The following YRDC variants were observed in gnomAD, a reference collection of about 807,000 sequenced individuals.
The protein encoded by YRDC is threonylcarbamoyl-AMP synthase.
Under a neutral mutation model 21.5 loss-of-function variants are expected in YRDC, and 17 were observed. That is an observed-to-expected ratio of 0.79 (90% CI 0.54 to 1.19). The LOEUF (loss-of-function observed/expected upper bound fraction) is 1.19, where lower values mean the gene tolerates loss of function less well. Ranked by LOEUF, YRDC falls within the 50% of genes most tolerant of loss-of-function variation. The probability of loss-of-function intolerance (pLI) is 0.00; values close to 1 mark genes in which losing one functional copy is unlikely to be tolerated. For synonymous variants in YRDC, 193 were observed against 176.7 expected, an observed-to-expected ratio of 1.09 and a Z score of -0.73; for missense variants, 380 against 397.1, an observed-to-expected ratio of 0.96 and a Z score of 0.37.
intron 3 of YRDC, among the ~76,000 whole-genome samples, chr1:37,805,832 T>C (rs1408620198): frequency 3.3e-5 from 5 of 152,184 alleles, no homozygotes; most frequent in African/African-American, 1.2e-4. Flanking sequence ...CGTATCTCTA[T>C]GTGACTGCAC....
intron 3 of YRDC, among the ~76,000 whole-genome samples, chr1:37,805,414 T>G (rs1310255343): frequency 6.6e-6 from 1 of 152,150 alleles, no homozygotes; most frequent in African/African-American, 2.4e-5. Context: ...CATGGTAGAT[T>G]CTGCATGCCA....
Position 37,803,307 on chromosome 1 carries a change from T to G in YRDC, c.*618A>C, listed in dbSNP as rs1646714575. On this transcript the variant is annotated 3_prime_UTR_variant, in exon 5 of 5. Transcript: ENST00000373044. ...ATGGCTCAGAGGGAAGAGTGGCCTG[T>G]GGCTCTTCAATCTTTATCCAAACCT... 1 of 152,670 alleles carries G rather than the reference T, an allele frequency of 6.6e-6. No individual in the cohort carries two copies. The highest frequency in any genetic ancestry group is 2.1e-4 in the South Asian group (1 of 4,854). The allele number at this position is 152,670 out of a possible 1,614,324, so 9.5% of individuals were successfully genotyped here. A position where few individuals can be genotyped will look rare whatever the true frequency, so the allele number is the denominator to read the frequency against.
rs942737484 is a variant in YRDC at position 37,803,053 on chromosome 1, C to G, written c.*872G>C. The stretch of plus-strand genomic sequence containing the variant: ...GGTACACATATAAATAGACAAAAGG[C>G]TGCGGAGAACACTGGATTTAAATAA... On this transcript the variant is annotated 3_prime_UTR_variant, in exon 5 of 5. Transcript: ENST00000373044. 6.6e-6 allele frequency: 1 copy of G among 152,110 alleles called. No homozygotes were observed. The highest frequency in any genetic ancestry group is 1.5e-5 in the Non-Finnish European group (1 of 68,022). The allele number at this position is 152,110 out of a possible 1,614,324, so 9.4% of individuals were successfully genotyped here.
intron 3 of YRDC, 130 bp downstream of exon 3, chr1:37,806,727 G>T: frequency 7.0e-7 from 1 of 1,425,484 alleles, no homozygotes; most frequent in Non-Finnish European, 9.5e-7. Flanking sequence ...CTGCCAGCTG[G>T]GCAACCTTCC....
chr1:37,806,937 C>T lies in YRDC; in HGVS notation c.544G>A (p.Asp182Asn). 2 of 1,614,174 alleles carry T rather than the reference C, an allele frequency of 1.2e-6. No homozygotes were observed. Among genetic ancestry groups the T allele is most frequent in the Non-Finnish European group, 1.7e-6 (2 of 1,180,036 alleles). ...GGACCCTCAAACATCTGAGCCAAGT[C>T]TTGCATAAAAGCATGATCAGGAATC... ...IRIPDHAFMQ[D>N]LAQMFEGPLA... Residue 182 changes from aspartate to asparagine, a missense_variant, in exon 3 of 5, where the codon GAC (aspartate) becomes AAC (asparagine). By Grantham distance (23) the Asp-to-Asn change is conservative. Around this residue, in one of 3 missense-constraint regions of YRDC, gnomAD observed 238 missense variants for 236.5 expected, o/e 1.01. Transcript: ENST00000373044.
chr1:37,807,824 G>T lies in YRDC; in HGVS notation c.357C>A (p.Ala119=), dbSNP rs143181596. Residue 119 remains alanine (A), a synonymous_variant, in exon 1 of 5, where the codon GCC becomes GCA. Coordinates refer to ENST00000373044, the MANE Select transcript of YRDC (RefSeq NM_024640.4). ...LKGRSEAKPL[A]VCLGRVADVY... is the part of the protein sequence containing the mutation. Reference sequence around the variant, plus strand: ...CGTCGGCCACGCGGCCGAGGCATACGGCCAGAGGCTTGGCCTCGCTGCGAC... The same window carrying T: ...CGTCGGCCACGCGGCCGAGGCATACTGCCAGAGGCTTGGCCTCGCTGCGAC... 18 of 1,511,258 alleles carry T rather than the reference G, an allele frequency of 1.2e-5. No homozygotes were observed. Among genetic ancestry groups the T allele is most frequent in the Non-Finnish European group, 1.4e-5 (16 of 1,134,832 alleles). 93.6% of individuals were successfully genotyped at this position (1,511,258 alleles called of 1,614,324 possible).
rs765944614 is a variant in YRDC, at chr1:37,807,761, C to T, written c.389+31G>A. On this transcript the variant is annotated intron_variant, in intron 1 of 4. Transcript: ENST00000373044. ...CCGGAAACCCCTCCCGCGGTGCCGCCCCTAGCGGGGCCGGGTCGGGGCGGC... is the reference window on the plus strand; with the variant it reads ...CCGGAAACCCCTCCCGCGGTGCCGCTCCTAGCGGGGCCGGGTCGGGGCGGC... 7.5e-6 allele frequency: 11 copies of T among 1,472,470 alleles called. No homozygotes were observed. The East Asian group carries it at 1.3e-4, about 18-fold the overall frequency. 91.2% of individuals were successfully genotyped at this position (1,472,470 alleles called of 1,614,324 possible). A position where few individuals can be genotyped will look rare whatever the true frequency, so the allele number is the denominator to read the frequency against.
Position 37,804,331 on chromosome 1 carries a change from G to A in YRDC, c.738C>T (p.Pro246=), listed in dbSNP as rs370843680. The part of the protein sequence containing the change: ...LGSTVVDLSV[P]GKFGIIRPGC... The stretch of plus-strand genomic sequence containing the variant: ...CTGGACGAATGATGCCAAACTTTCC[G>A]GGCACAGACAAATCAACCACAGTTG... Residue 246 remains proline (P), a synonymous_variant, in exon 4 of 5, where the codon CCC becomes CCT. Coordinates refer to ENST00000373044, the MANE Select transcript of YRDC (RefSeq NM_024640.4). 1.1e-4 allele frequency: 171 copies of A among 1,613,870 alleles called. No individual in the cohort carries two copies. The highest frequency in any genetic ancestry group is 1.3e-4 in the Non-Finnish European group (158 of 1,179,932).
chr1:37,807,631 C>A (rs1411159130), intron 1 of YRDC, 161 bp downstream of exon 1: 2 of 1,291,850 alleles, frequency 1.5e-6, no homozygotes, highest in South Asian at 1.8e-5. Context: ...TAGTTCAGGG[C>A]CCGGGGCACG....
At chr1:37,804,554 C>A in intron 3 of YRDC, 110 bp from the exon 4 acceptor site, 3 of 1,336,802 alleles carry the variant, frequency 2.2e-6, no homozygotes, top group Non-Finnish European at 2.0e-6. Context: ...AAGGCACTTT[C>A]CTCTAAGCAG....
At chr1:37,807,031 A>C in intron 2 of YRDC, 55 bp from the exon 3 acceptor site, 1 of 1,613,780 alleles carries the variant, frequency 6.2e-7, no homozygotes, top group South Asian at 1.1e-5. Context: ...TAAGAGGGTA[A>C]GTCTTATCTG....
Position 37,803,683 on chromosome 1 carries a change from C to A in YRDC, c.*242G>T, listed in dbSNP as rs969123074. 1.5e-5 allele frequency: 7 copies of A among 481,408 alleles called. No homozygotes were observed. The Admixed American group carries it at 1.8e-4, about 13-fold the overall frequency. 29.8% of individuals were successfully genotyped at this position (481,408 alleles called of 1,614,324 possible). A position where few individuals can be genotyped will look rare whatever the true frequency, so the allele number is the denominator to read the frequency against. On this transcript the variant is annotated 3_prime_UTR_variant, in exon 5 of 5. Transcript: ENST00000373044. ...TAAGGCCACCTAGGAATGTTCTTAA[C>A]TTTTCCATTCAGCTTTTGGCTGATA...
At chr1:37,807,301 A>G (rs1352912932) in intron 1 of YRDC, 86 bp from the exon 2 acceptor site, 12 of 1,290,356 alleles carry the variant, frequency 9.3e-6, no homozygotes, top group Non-Finnish European at 1.1e-5. Flanking sequence ...GTAGAAAAGG[A>G]ATCCTTCGAG....
chr1:37,807,794 G>A lies in YRDC; in HGVS notation c.387C>T (p.Tyr129=), dbSNP rs752646134. 2.0e-6 allele frequency: 3 copies of A among 1,509,392 alleles called. No homozygotes were observed. The highest frequency in any genetic ancestry group is 2.4e-5 in the South Asian group (2 of 82,920). The allele number at this position is 1,509,392 out of a possible 1,614,324, so 93.5% of individuals were successfully genotyped here. A position where few individuals can be genotyped will look rare whatever the true frequency, so the allele number is the denominator to read the frequency against. Residue 129 remains tyrosine, a splice_region_variant and synonymous_variant, in exon 1 of 5, where the codon TAC becomes TAT. Transcript: ENST00000373044. Reference sequence around the variant, plus strand: ...GGGCCGGGTCGGGGCGGCCTTACCTGTAGACGTCGGCCACGCGGCCGAGGC... The same window carrying A: ...GGGCCGGGTCGGGGCGGCCTTACCTATAGACGTCGGCCACGCGGCCGAGGC... ...AVCLGRVADV[Y]RYCRVRVPEG...
chr1:37,806,774 C>T, intron 3 of YRDC, 83 bp downstream of exon 3: 3 of 1,594,548 alleles, frequency 1.9e-6, no homozygotes, highest in Admixed American at 1.7e-5. Context: ...CTGGCCATCC[C>T]AGTGTACTAT....
At position 37,807,086 on chromosome 1, in the gene YRDC, G is replaced by A. The variant is rs781476649; in HGVS notation, c.504+15C>T. ...TGGCCTGGAGTCTGGGGACACAAGA[G>A]AAAACTTGACTCACAGGCGTAAAAG... is the stretch of plus-strand genomic sequence containing the variant. On this transcript the variant is annotated intron_variant, in intron 2 of 4. Coordinates refer to ENST00000373044, the MANE Select transcript of YRDC (RefSeq NM_024640.4). 15 of 1,614,038 alleles carry A rather than the reference G, an allele frequency of 9.3e-6. No individual in the cohort carries two copies. Among genetic ancestry groups the A allele is most frequent in the Non-Finnish European group, 1.2e-5 (14 of 1,180,016 alleles).
chr1:37,804,498 T>C lies in YRDC; in HGVS notation c.625-54A>G, dbSNP rs997138086. 8 of 1,565,726 alleles carry C rather than the reference T, an allele frequency of 5.1e-6. No individual in the cohort carries two copies. The South Asian group carries it at 5.8e-5, about 11-fold the overall frequency. On this transcript the variant is annotated intron_variant, in intron 3 of 4. Transcript: ENST00000373044. ...ACACTATCCCTGGTGTATCCAATAA[T>C]GTCAAACTGCACGCAGTCATCAAAG...
Position 37,808,149 on chromosome 1 carries a change from C to T in YRDC, c.32G>A (p.Arg11Lys). The T allele has an allele frequency of 2.7e-6, 4 of 1,472,024 alleles. No individual in the cohort carries two copies. Among genetic ancestry groups the T allele is most frequent in the East Asian group, 3.0e-5 (1 of 33,280 alleles). 91.2% of individuals were successfully genotyped at this position (1,472,024 alleles called of 1,614,324 possible). ...CCCCACGCTGGCAGCCACCGCGGCC[C>T]TCATCCCCCTGCACCGACGCGCCGG... Reference protein sequence around the residue: MSPARRCRGMRAAVAASVGLS... With the variant: MSPARRCRGMKAAVAASVGLS... The change falls in exon 1 of 5, where the codon AGG becomes AAG. Residue 11 changes from arginine (R) to lysine (K), a missense_variant. Coordinates refer to ENST00000373044, the MANE Select transcript of YRDC (RefSeq NM_024640.4).
chr1:37,804,494 A>G, intron 3 of YRDC, 50 bp from the exon 4 acceptor site: 1 of 1,571,292 alleles, frequency 6.4e-7, no homozygotes, highest in Non-Finnish European at 8.7e-7. Context: ...GGTGTATCCA[A>G]TAATGTCAAA....
Sources: gnomAD v4.1 joint callset for allele counts (sites outside exome capture counted in the v4.1 genomes callset) on GRCh38, gnomAD v4.1.1 for gene constraint, gnomAD v4.1.1 regional missense constraint, MANE v1.5 for transcripts, NCBI Gene and HGNC (gene_info 2026-07-23, HGNC 2026-07-21) for gene names.